The following EHBP1 variants were observed in gnomAD, a reference collection of about 807,000 sequenced individuals.
EHBP1 encodes the protein EH domain-binding protein 1.
In EHBP1, 55 loss-of-function variants were observed where a neutral mutation model predicts 144.0. The observed-to-expected ratio is 0.38, with a 90% CI of 0.31 to 0.48. The LOEUF (loss-of-function observed/expected upper bound fraction) is 0.48, where lower values mean the gene tolerates loss of function less well. Ranked by LOEUF, EHBP1 falls within the 20% of genes least tolerant of loss-of-function variation. EHBP1 has a pLI of 0.98. For missense variants in EHBP1, 1,200 were observed against 1,364.2 expected, an observed-to-expected ratio of 0.88 and a Z score of 1.90; for synonymous variants, 469 against 472.7, an observed-to-expected ratio of 0.99 and a Z score of 0.10.
At chr2:62,862,117 G>A (rs567440722) in intron 8 of EHBP1, among the ~76,000 whole-genome samples, 8 of 152,200 alleles carry the variant, frequency 5.3e-5, no homozygotes, top group African/African-American at 1.7e-4. Context: ...TACTATTACT[G>A]AGTCTCTTTA....
At chr2:62,757,423 T>G (rs578241461) in intron 3 of EHBP1, among the ~76,000 whole-genome samples, 57 of 150,452 alleles carry the variant, frequency 3.8e-4, no homozygotes, top group African/African-American at 1.4e-3. Flanking sequence ...TTCTTTTTTT[T>G]TTCTTTTTTT....
At chr2:63,015,615 G>A (rs1362564739) in intron 19 of EHBP1, among the ~76,000 whole-genome samples, 1 of 151,994 alleles carries the variant, frequency 6.6e-6, no homozygotes. Flanking sequence ...CCAAGCAGCT[G>A]GGACTACAGG....
At chr2:63,001,000 A>C (rs1158568458) in intron 19 of EHBP1, among the ~76,000 whole-genome samples, 1 of 152,170 alleles carries the variant, frequency 6.6e-6, no homozygotes, top group Non-Finnish European at 1.5e-5. Flanking sequence ...CTGTGCCAGC[A>C]ATGTTGTAAC....
intron 14 of EHBP1, among the ~76,000 whole-genome samples, chr2:62,976,746 T>C (rs1380527736): frequency 1.3e-5 from 2 of 152,170 alleles, no homozygotes; most frequent in African/African-American, 2.4e-5. Flanking sequence ...CACATCCTAG[T>C]ATCCATTTTA....
intron 14 of EHBP1, among the ~76,000 whole-genome samples, chr2:62,966,721 T>C (rs2058264464): frequency 6.6e-6 from 1 of 152,186 alleles, no homozygotes; most frequent in South Asian, 2.1e-4. Context: ...GGAACTATCA[T>C]TTCCCAGCAT....
At chr2:62,875,439 C>A (rs546211373) in intron 10 of EHBP1, among the ~76,000 whole-genome samples, 9 of 152,274 alleles carry the variant, frequency 5.9e-5, no homozygotes, top group South Asian at 4.2e-4. Flanking sequence ...ACAACTTATA[C>A]CATAGTCAAA....
At chr2:63,000,641 G>C (rs1160140035) in intron 19 of EHBP1, among the ~76,000 whole-genome samples, 2 of 152,228 alleles carry the variant, frequency 1.3e-5, no homozygotes, top group East Asian at 3.9e-4. Flanking sequence ...AGGTTGTAGT[G>C]AGAGCCAAGA....
chr2:62,788,490 C>G (rs2042962346), intron 5 of EHBP1, among the ~76,000 whole-genome samples: 2 of 151,810 alleles, frequency 1.3e-5, no homozygotes. Flanking sequence ...AAAAAAAAAC[C>G]CTGTTGTTAT....
At chr2:62,874,893 T>C (rs1002040484) in intron 10 of EHBP1, among the ~76,000 whole-genome samples, 1 of 152,106 alleles carries the variant, frequency 6.6e-6, no homozygotes, top group South Asian at 2.1e-4. Flanking sequence ...CCACACCACT[T>C]TGATGGCATG....
At chr2:62,790,456 T>A (rs1467636101) in intron 5 of EHBP1, among the ~76,000 whole-genome samples, 2 of 152,156 alleles carry the variant, frequency 1.3e-5, no homozygotes. Context: ...ATTAGTCAGA[T>A]GCTTGTTGGT....
chr2:62,784,090 C>T (rs2042637934), intron 5 of EHBP1, among the ~76,000 whole-genome samples: 1 of 152,040 alleles, frequency 6.6e-6, no homozygotes, highest in African/African-American at 2.4e-5. Context: ...CCCCTTTACC[C>T]TTAAAATTAG....
chr2:62,814,832 T>A (rs1360873459), intron 5 of EHBP1, among the ~76,000 whole-genome samples: 1 of 152,192 alleles, frequency 6.6e-6, no homozygotes, highest in East Asian at 1.9e-4. Context: ...GTGAGACAGG[T>A]GAACTTTGTT....
At chr2:62,840,530 A>G (rs994119797) in intron 7 of EHBP1, among the ~76,000 whole-genome samples, 4 of 150,942 alleles carry the variant, frequency 2.7e-5, no homozygotes, top group African/African-American at 7.3e-5. Context: ...AGCAAAAGAA[A>G]CTACCATCAG....
chr2:62,684,950 T>C (rs1305484390), intron 1 of EHBP1, among the ~76,000 whole-genome samples: 1 of 152,188 alleles, frequency 6.6e-6, no homozygotes, highest in Non-Finnish European at 1.5e-5. Flanking sequence ...CTCACTTATA[T>C]GTGGAATCCA....
chr2:62,897,702 A>G (rs1453837504), intron 10 of EHBP1, among the ~76,000 whole-genome samples: 1 of 152,164 alleles, frequency 6.6e-6, no homozygotes, highest in African/African-American at 2.4e-5. Flanking sequence ...TCTTGCTGCA[A>G]AATTGAAATG....
At chr2:62,917,969 T>C (rs914350151) in intron 10 of EHBP1, among the ~76,000 whole-genome samples, 1 of 151,982 alleles carries the variant, frequency 6.6e-6, no homozygotes, top group African/African-American at 2.4e-5. Context: ...TGATCTCAGC[T>C]CACTGCAACC....
At chr2:62,875,971 A>T (rs1439685777) in intron 10 of EHBP1, among the ~76,000 whole-genome samples, 5 of 152,214 alleles carry the variant, frequency 3.3e-5, no homozygotes, top group Admixed American at 3.3e-4. Flanking sequence ...CCCCTAAGAC[A>T]TATGAGATTA....
intron 7 of EHBP1, among the ~76,000 whole-genome samples, chr2:62,843,641 A>G (rs1162325649): frequency 1.3e-5 from 2 of 152,118 alleles, no homozygotes; most frequent in African/African-American, 2.4e-5. Context: ...TCTTAGTTGT[A>G]TTTTTGAACA....
chr2:62,690,390 T>G (rs1380549743), intron 1 of EHBP1, among the ~76,000 whole-genome samples: 1 of 151,966 alleles, frequency 6.6e-6, no homozygotes, highest in Non-Finnish European at 1.5e-5. Flanking sequence ...GGTGAAACCC[T>G]GTCTCTACTA....
Sources: allele counts gnomAD v4.1 joint callset (sites outside exome capture counted in the v4.1 genomes callset), GRCh38; gene constraint gnomAD v4.1.1; transcripts MANE v1.5; gene names NCBI Gene and HGNC (gene_info 2026-07-23, HGNC 2026-07-21).